The following PLA2G7 variants were observed in gnomAD, a reference collection of about 807,000 sequenced individuals.
PLA2G7 encodes the protein phospholipase A2 group VII.
In PLA2G7, 63 loss-of-function variants were observed where a neutral mutation model predicts 49.6. That is an observed-to-expected ratio of 1.27 (90% confidence interval 1.04 to 1.57). The LOEUF (loss-of-function observed/expected upper bound fraction) is 1.57, where lower values mean the gene tolerates loss of function less well. PLA2G7 is among the 40% of genes most tolerant of loss of function. The pLI is 0.00. For missense variants in PLA2G7, 596 were observed against 521.2 expected (o/e 1.14, Z -1.40); for synonymous variants, 193 against 169.9 (o/e 1.14, Z -1.06).
intron 10 of PLA2G7, among the ~76,000 whole-genome samples, chr6:46,705,856 TAA>T (rs1175331592): frequency 6.6e-6 from 1 of 152,244 alleles, no homozygotes; most frequent in African/African-American, 2.4e-5. Context: ...TGGCCTTTTT[TAA>T]GTCCTCGTTT....
intron 1 of PLA2G7, among the ~76,000 whole-genome samples, chr6:46,734,297 T>TA (rs1166615758): frequency 6.6e-6 from 1 of 151,474 alleles, no homozygotes; most frequent in Non-Finnish European, 1.5e-5. Context: ...AAAAACGCAA[T>TA]ACTCCTCAAA....
chr6:46,735,136 G>T (rs1765882756), intron 1 of PLA2G7, 44 bp downstream of exon 1: 1 of 151,424 alleles, frequency 6.6e-6, no homozygotes, highest in Non-Finnish European at 1.5e-5. Flanking sequence ...CGGCGACCGT[G>T]CCCTTCCTCC....
intron 1 of PLA2G7, among the ~76,000 whole-genome samples, chr6:46,723,789 A>G (rs1459696034): frequency 6.6e-6 from 1 of 152,118 alleles, no homozygotes; most frequent in African/African-American, 2.4e-5. Context: ...AGCCAGAGTG[A>G]TTGTGTCACC....
rs183891489 is a variant in PLA2G7, at chr6:46,709,534, T to A, written c.778-116A>T. ...GATGGTTAAATACATTGATTTCTTA[T>A]AAAATAGAATATACATATACACACA... On this transcript the variant is annotated intron_variant, in intron 8 of 11. Coordinates refer to ENST00000274793, the MANE Select transcript of PLA2G7 (RefSeq NM_005084.4). The A allele has an allele frequency of 2.9e-5, 20 of 690,958 alleles. No homozygotes were observed. In the East Asian group the frequency reaches 4.9e-4, roughly 17 times the overall value. The allele number at this position is 690,958 out of a possible 1,614,324, so 42.8% of individuals were successfully genotyped here.
At chr6:46,728,323 C>T (rs1460705130) in intron 1 of PLA2G7, among the ~76,000 whole-genome samples, 1 of 152,268 alleles carries the variant, frequency 6.6e-6, no homozygotes, top group Non-Finnish European at 1.5e-5. Flanking sequence ...GGGGCTGCTA[C>T]TGGCATCTAG....
chr6:46,723,128 A>T (rs1177391214), intron 1 of PLA2G7, among the ~76,000 whole-genome samples: 1 of 152,210 alleles, frequency 6.6e-6, no homozygotes, highest in African/African-American at 2.4e-5. Context: ...TAAGGATTAC[A>T]TTGGATTGTA....
chr6:46,705,440 A>C, intron 10 of PLA2G7, 139 bp from the exon 11 acceptor site: 1 of 696,010 alleles, frequency 1.4e-6, no homozygotes, highest in South Asian at 1.8e-5. Flanking sequence ...AATTTGATCT[A>C]CTTAGATGTG....
intron 5 of PLA2G7, 129 bp from the exon 6 acceptor site, chr6:46,712,466 A>G (rs1044969712): frequency 2.4e-5 from 17 of 696,606 alleles, no homozygotes; most frequent in South Asian, 2.1e-4. Flanking sequence ...GTGGAGAGCT[A>G]CGGTTCTTAA....
At position 46,704,472 on chromosome 6, in the gene PLA2G7, TCTCTCTCACACA is replaced by T. The variant is rs144459411; in HGVS notation, c.*76_*87del. On this transcript the variant is annotated 3_prime_UTR_variant, in exon 12 of 12. Coordinates refer to ENST00000274793, the MANE Select transcript of PLA2G7 (RefSeq NM_005084.4). Reference sequence around the variant, plus strand: ...CTCTCTCTCTCTCTCTCTCTCTCTCTCTCTCTCACACACACACACACACACACACACACACAC... The same window carrying T: ...CTCTCTCTCTCTCTCTCTCTCTCTCTCACACACACACACACACACACACAC... 0.17 allele frequency: 16,829 copies of T among 96,590 alleles called. 167 individuals are homozygous for T. The highest frequency in any genetic ancestry group is 0.21 in the Middle Eastern group (68 of 322). 6.0% of individuals were successfully genotyped at this position (96,590 alleles called of 1,614,324 possible).
chr6:46,717,981 G>C (rs1765274156), intron 2 of PLA2G7, among the ~76,000 whole-genome samples: 1 of 152,158 alleles, frequency 6.6e-6, no homozygotes, highest in Non-Finnish European at 1.5e-5. Flanking sequence ...CTCCCAAAGT[G>C]CTGGGTTTAC....
chr6:46,729,474 A>G (rs1035166743), intron 1 of PLA2G7, among the ~76,000 whole-genome samples: 46 of 152,232 alleles, frequency 3.0e-4, no homozygotes, highest in Admixed American at 5.2e-4. Context: ...GAAAAATAAG[A>G]TAGTGTTTGT....
chr6:46,717,213 TC>T, intron 2 of PLA2G7, 117 bp from the exon 3 acceptor site: 1 of 918,308 alleles, frequency 1.1e-6, no homozygotes, highest in East Asian at 2.5e-5. Flanking sequence ...TCTTTCTTTC[TC>T]AACCTAACAA....
At chr6:46,712,790 T>C (rs928829721) in intron 5 of PLA2G7, among the ~76,000 whole-genome samples, 1 of 152,298 alleles carries the variant, frequency 6.6e-6, no homozygotes, top group East Asian at 1.9e-4. Context: ...ACCTGTAAAA[T>C]GGGCCTAAGA....
At chr6:46,719,428 A>G (rs1030179254) in intron 2 of PLA2G7, among the ~76,000 whole-genome samples, 9 of 152,148 alleles carry the variant, frequency 5.9e-5, no homozygotes, top group Admixed American at 1.3e-4. Context: ...GGACTTCACC[A>G]CAATTCCACT....
chr6:46,731,384 C>T (rs924335931), intron 1 of PLA2G7, among the ~76,000 whole-genome samples: 2 of 152,208 alleles, frequency 1.3e-5, no homozygotes, highest in African/African-American at 2.4e-5. Context: ...CAAATCTTTG[C>T]ACTCACAGAT....
chr6:46,727,735 T>C (rs1765615667), intron 1 of PLA2G7, among the ~76,000 whole-genome samples: 2 of 152,176 alleles, frequency 1.3e-5, no homozygotes, highest in African/African-American at 4.8e-5. Context: ...CTGAATGATG[T>C]GATGTGAGAA....
At chr6:46,711,396 T>C in intron 7 of PLA2G7, 100 bp downstream of exon 7, 1 of 1,291,950 alleles carries the variant, frequency 7.7e-7, no homozygotes. Flanking sequence ...ATAGGAGAGC[T>C]AGGAGCATAA....
intron 9 of PLA2G7, 37 bp downstream of exon 9, chr6:46,709,290 T>C (rs1415801669): frequency 1.8e-6 from 2 of 1,120,816 alleles, no homozygotes; most frequent in Non-Finnish European, 2.7e-6. Context: ...CTTCCAATAA[T>C]TTACTATTCT....
intron 10 of PLA2G7, 33 bp downstream of exon 10, chr6:46,707,958 T>C (rs202236370): frequency 7.3e-7 from 1 of 1,362,674 alleles, no homozygotes; most frequent in South Asian, 1.2e-5. Context: ...TTCAAGTTTG[T>C]TTCACATAAT....
Sources: allele counts gnomAD v4.1 joint callset (sites outside exome capture counted in the v4.1 genomes callset), GRCh38; gene constraint gnomAD v4.1.1; transcripts MANE v1.5; gene names NCBI Gene and HGNC (gene_info 2026-07-23, HGNC 2026-07-21).